IMMP2L: variants seen among roughly 807,000 people sequenced by gnomAD.
IMMP2L encodes mitochondrial inner membrane protease subunit 2.
Under a neutral mutation model 19.3 loss-of-function variants are expected in IMMP2L, and 18 were observed. That is an observed-to-expected ratio of 0.93 (90% CI 0.64 to 1.38). IMMP2L has a LOEUF of 1.38. IMMP2L is among the 40% of genes most tolerant of loss of function. The pLI is 0.00. For synonymous variants in IMMP2L, 76 were observed against 73.0 expected, an observed-to-expected ratio of 1.04 and a Z score of -0.21; for missense variants, 233 against 218.2, an observed-to-expected ratio of 1.07 and a Z score of -0.43.
intron 3 of IMMP2L, among the ~76,000 whole-genome samples, chr7:111,298,934 T>C (rs1271571692): frequency 3.3e-5 from 5 of 152,212 alleles, no homozygotes; most frequent in South Asian, 4.2e-4. Context: ...GGGGTTAATA[T>C]TGATCAGTAA....
intron 3 of IMMP2L, among the ~76,000 whole-genome samples, chr7:111,109,221 A>G (rs1798903951): frequency 6.6e-6 from 1 of 152,170 alleles, no homozygotes; most frequent in African/African-American, 2.4e-5. Context: ...GTTCATTGCC[A>G]GCTACATGAT....
intron 3 of IMMP2L, among the ~76,000 whole-genome samples, chr7:111,098,867 G>A (rs1586250149): frequency 6.6e-6 from 1 of 151,724 alleles, no homozygotes; most frequent in Admixed American, 6.6e-5. Context: ...CCTAAATATA[G>A]CTAGTTGATA....
chr7:111,275,155 T>C (rs992994201), intron 3 of IMMP2L, among the ~76,000 whole-genome samples: 2 of 152,160 alleles, frequency 1.3e-5, no homozygotes, highest in Admixed American at 1.3e-4. Flanking sequence ...CCAGAGGATC[T>C]GCTCACAGAG....
At chr7:110,942,573 G>A (rs1816845037) in intron 4 of IMMP2L, among the ~76,000 whole-genome samples, 1 of 151,482 alleles carries the variant, frequency 6.6e-6, no homozygotes, top group African/African-American at 2.4e-5. Flanking sequence ...TATTTAAAAG[G>A]CAAGGGGTGA....
chr7:110,997,943 G>A (rs1020839296), intron 3 of IMMP2L, among the ~76,000 whole-genome samples: 4 of 152,092 alleles, frequency 2.6e-5, no homozygotes, highest in African/African-American at 9.7e-5. Flanking sequence ...TTTCTGAGAT[G>A]CTATAGAAAT....
chr7:111,094,325 G>A (rs1309545347), intron 3 of IMMP2L, among the ~76,000 whole-genome samples: 1 of 152,086 alleles, frequency 6.6e-6, no homozygotes, highest in Non-Finnish European at 1.5e-5. Context: ...ATCTGTTGGT[G>A]AATCTGAAGG....
intron 4 of IMMP2L, among the ~76,000 whole-genome samples, chr7:110,922,155 TAGA>T (rs1253208858): frequency 6.6e-6 from 1 of 152,126 alleles, no homozygotes; most frequent in Non-Finnish European, 1.5e-5. Flanking sequence ...GCTTTGAAAA[TAGA>T]AGCATTTAAA....
intron 4 of IMMP2L, among the ~76,000 whole-genome samples, chr7:110,900,356 C>CA (rs985858646): frequency 4.0e-5 from 6 of 151,646 alleles, no homozygotes; most frequent in South Asian, 2.1e-4. Context: ...GCAAAAAAGG[C>CA]AAAAAAAATC....
chr7:111,407,710 T>A (rs977600331), intron 3 of IMMP2L, among the ~76,000 whole-genome samples: 7 of 152,008 alleles, frequency 4.6e-5, no homozygotes, highest in Admixed American at 2.6e-4. Context: ...ATTAAAACAT[T>A]CCAAAATTGG....
At chr7:111,004,622 C>A (rs1824095393) in intron 3 of IMMP2L, among the ~76,000 whole-genome samples, 1 of 152,042 alleles carries the variant, frequency 6.6e-6, no homozygotes, top group Admixed American at 6.6e-5. Flanking sequence ...AGAATTAAAG[C>A]AATATCATGG....
chr7:110,850,920 G>C (rs536659244), intron 5 of IMMP2L, among the ~76,000 whole-genome samples: 1 of 151,554 alleles, frequency 6.6e-6, no homozygotes, highest in African/African-American at 2.4e-5. Context: ...CAATTAAAAA[G>C]CCAAAAAAGA....
At chr7:110,766,581 TAAAAAAA>T (rs772192515) in intron 5 of IMMP2L, among the ~76,000 whole-genome samples, 284 of 96,806 alleles carry the variant, frequency 2.9e-3, no homozygotes, top group African/African-American at 0.01. Flanking sequence ...AGACTTCATT[TAAAAAAA>T]AAAAAAAAAA....
chr7:111,158,261 T>A (rs1014588335), intron 3 of IMMP2L, among the ~76,000 whole-genome samples: 2 of 152,076 alleles, frequency 1.3e-5, no homozygotes, highest in African/African-American at 4.8e-5. Flanking sequence ...CAAAGTACTC[T>A]GATTATAGGT....
chr7:111,217,037 G>A (rs932296701), intron 3 of IMMP2L, among the ~76,000 whole-genome samples: 5 of 151,276 alleles, frequency 3.3e-5, no homozygotes, highest in African/African-American at 1.2e-4. Flanking sequence ...AAAAAAAATT[G>A]CCAGTGTAAA....
At chr7:111,231,552 T>C (rs1813719314) in intron 3 of IMMP2L, among the ~76,000 whole-genome samples, 1 of 152,010 alleles carries the variant, frequency 6.6e-6, no homozygotes, top group African/African-American at 2.4e-5. Context: ...CCTGGTTTTT[T>C]TTCCCCTCTC....
At chr7:110,906,931 C>G (rs1812519835) in intron 4 of IMMP2L, among the ~76,000 whole-genome samples, 1 of 152,116 alleles carries the variant, frequency 6.6e-6, no homozygotes, top group African/African-American at 2.4e-5. Flanking sequence ...CAGCCCACAG[C>G]TCTCAACCAC....
intron 3 of IMMP2L, chr7:111,124,749 C>A: frequency 1.9e-6 from 3 of 1,613,814 alleles, no homozygotes; most frequent in South Asian, 1.1e-5. Flanking sequence ...ATGGTGGACA[C>A]AGCTATGTGA....
At chr7:111,384,314 A>G (rs77285163) in intron 3 of IMMP2L, among the ~76,000 whole-genome samples, 6,734 of 147,452 alleles carry the variant, frequency 0.046, 560 homozygotes, top group African/African-American at 0.16. Flanking sequence ...GAGGAGGGAA[A>G]AGGAGAAGGA....
chr7:111,114,627 T>A (rs1378316759), intron 3 of IMMP2L, among the ~76,000 whole-genome samples: 2 of 151,516 alleles, frequency 1.3e-5, no homozygotes, highest in Non-Finnish European at 2.9e-5. Context: ...TCCCAGCCAC[T>A]TGGGAGGCTG....
Sources: gnomAD v4.1 joint callset for allele counts (sites outside exome capture counted in the v4.1 genomes callset) on GRCh38, gnomAD v4.1.1 for gene constraint, MANE v1.5 for transcripts, NCBI Gene and HGNC (gene_info 2026-07-23, HGNC 2026-07-21) for gene names.